GSE1: variants seen among roughly 807,000 people sequenced by gnomAD.
GSE1 encodes genetic suppressor element 1.
GSE1 carries 32 observed loss-of-function variants against 112.6 expected under a neutral mutation model. The observed-to-expected ratio is 0.28, with a 90% CI of 0.21 to 0.38. GSE1 has a LOEUF of 0.38. Ranked by LOEUF, GSE1 falls within the 10% of genes least tolerant of loss-of-function variation. The pLI is 1.00. For missense variants in GSE1, 2,348 were observed against 1,699.2 expected (o/e 1.38, Z -6.71); for synonymous variants, 1,115 against 735.6 (o/e 1.52, Z -8.35).
At chr16:85,275,782 C>G (rs2144217748) in intron 1 of GSE1, among the ~76,000 whole-genome samples, 1 of 152,344 alleles carries the variant, frequency 6.6e-6, no homozygotes, top group Admixed American at 6.5e-5. Flanking sequence ...CGCTGAGCCC[C>G]ATGTCCCCAG....
At chr16:85,532,198 G>A (rs1289774994) in intron 2 of GSE1, among the ~76,000 whole-genome samples, 1 of 152,146 alleles carries the variant, frequency 6.6e-6, no homozygotes, top group East Asian at 1.9e-4. Context: ...ATTTTTATAT[G>A]GGGAAACTGA....
intron 1 of GSE1, among the ~76,000 whole-genome samples, chr16:85,259,777 C>G (rs144899463): frequency 0.014 from 2,201 of 152,322 alleles, 50 homozygotes; most frequent in African/African-American, 0.045. Flanking sequence ...TGGGACCCCC[C>G]ACCCCTGCAC....
chr16:85,400,204 A>T (rs1377887240), intron 2 of GSE1, among the ~76,000 whole-genome samples: 2 of 151,904 alleles, frequency 1.3e-5, no homozygotes, highest in African/African-American at 4.8e-5. Context: ...CTCCCTGCTG[A>T]GGTTTTGGGA....
intron 2 of GSE1, among the ~76,000 whole-genome samples, chr16:85,491,411 G>C (rs2051005424): frequency 6.6e-6 from 1 of 152,184 alleles, no homozygotes; most frequent in African/African-American, 2.4e-5. Context: ...GAAGATGCAG[G>C]GTATTCTGGG....
chr16:85,351,914 C>T (rs777519820), intron 1 of GSE1, among the ~76,000 whole-genome samples: 14 of 152,034 alleles, frequency 9.2e-5, no homozygotes, highest in Non-Finnish European at 1.3e-4. Context: ...TGCTTGAACC[C>T]GGGAGGCAAA....
intron 2 of GSE1, among the ~76,000 whole-genome samples, chr16:85,390,284 G>C (rs965168892): frequency 6.6e-6 from 1 of 152,000 alleles, no homozygotes; most frequent in Non-Finnish European, 1.5e-5. Flanking sequence ...CGTTGGGGTG[G>C]GGGTCATCAC....
chr16:85,455,923 C>G (rs1294395743), intron 2 of GSE1, among the ~76,000 whole-genome samples: 1 of 152,228 alleles, frequency 6.6e-6, no homozygotes. Flanking sequence ...TGGGGTCAGG[C>G]CCCGCTTTGT....
At chr16:85,414,525 A>G (rs1415086476) in intron 2 of GSE1, among the ~76,000 whole-genome samples, 1 of 152,224 alleles carries the variant, frequency 6.6e-6, no homozygotes, top group Non-Finnish European at 1.5e-5. Flanking sequence ...CGTGGGTCCC[A>G]ACACCCACGC....
At chr16:85,587,840 GC>G (rs1372269785) in intron 1 of GSE1, among the ~76,000 whole-genome samples, 4 of 152,238 alleles carry the variant, frequency 2.6e-5, no homozygotes, top group East Asian at 1.9e-4. Flanking sequence ...GGACCCTTGG[GC>G]CCCCTCCCCC....
chr16:85,647,659 T>C (rs1295530231), intron 2 of GSE1, among the ~76,000 whole-genome samples: 1 of 152,108 alleles, frequency 6.6e-6, no homozygotes, highest in Non-Finnish European at 1.5e-5. Context: ...CGATCTCTGC[T>C]CACCAGAACC....
At position 85,239,680 on chromosome 16, in the gene GSE1, T is replaced by C. The variant is rs58795104; in HGVS notation, c.2283+67873T>C. ...ACGGCTCCCAGCTCCTAGTGAGGGCTCTTCCGGGTAACTCCATACCCGACC... is the reference window on the plus strand; with the variant it reads ...ACGGCTCCCAGCTCCTAGTGAGGGCCCTTCCGGGTAACTCCATACCCGACC... On this transcript the variant is annotated intron_variant, in intron 1 of 2. Transcript: ENST00000637419. Among the ~76,000 whole-genome samples, 1,084 of 152,314 alleles carry C rather than the reference T, an allele frequency of 7.1e-3. 20 individuals are homozygous for C. The highest frequency in any genetic ancestry group is 0.024 in the African/African-American group (1,014 of 41,568).
chr16:85,607,612 G>C (rs1398479211), upstream of GSE1, among the ~76,000 whole-genome samples: 2 of 152,190 alleles, frequency 1.3e-5, no homozygotes, highest in African/African-American at 2.4e-5. Context: ...TGTTCCCCTA[G>C]AGGTGACCTG....
chr16:85,196,449 G>A (rs897644102), intron 1 of GSE1, among the ~76,000 whole-genome samples: 4 of 152,160 alleles, frequency 2.6e-5, no homozygotes, highest in African/African-American at 4.8e-5. Flanking sequence ...GCACTCCTGC[G>A]TCTTGGCTTG....
In GSE1 at chr16:85,673,314, G is replaced by C. The variant is rs772156868; in HGVS notation, c.*775G>C. On this transcript the variant is annotated 3_prime_UTR_variant, in exon 16 of 16. Transcript: ENST00000253458. ...TGAGAGAAAAGTCAAAGGTGCTTCAGCCTTGTACTGTGTATATATATTAAA... is the reference window on the plus strand; with the variant it reads ...TGAGAGAAAAGTCAAAGGTGCTTCACCCTTGTACTGTGTATATATATTAAA... 1.3e-5 allele frequency: 2 copies of C among 152,224 alleles called. No homozygotes were observed. Among genetic ancestry groups the C allele is most frequent in the African/African-American group, 4.8e-5 (2 of 41,270 alleles). 9.4% of individuals were successfully genotyped at this position (152,224 alleles called of 1,614,324 possible). A position where few individuals can be genotyped will look rare whatever the true frequency, so the allele number is the denominator to read the frequency against.
At chr16:85,517,957 T>C (rs1261935552) in intron 2 of GSE1, among the ~76,000 whole-genome samples, 3 of 152,250 alleles carry the variant, frequency 2.0e-5, no homozygotes, top group African/African-American at 7.2e-5. Flanking sequence ...GGTTTATCTC[T>C]GCTCACAGAG....
At chr16:85,284,227 G>T (rs1413652257) in intron 1 of GSE1, among the ~76,000 whole-genome samples, 1 of 152,240 alleles carries the variant, frequency 6.6e-6, no homozygotes, top group Non-Finnish European at 1.5e-5. Context: ...TGTCGCTGTA[G>T]GGCGACTCTT....
rs1006813784 is a variant in GSE1 at position 85,585,757 on chromosome 16, C to T, written c.37+29394C>T. 3.7e-4 allele frequency among the ~76,000 whole-genome samples: 57 copies of T among 152,250 alleles called. 3 individuals carry two copies. The highest frequency in any genetic ancestry group is 1.5e-5 in the Non-Finnish European group (1 of 68,048). Reference sequence around the variant, plus strand: ...GAGCTGACGGCGATGACACGAGCATCATCCCACTCTGAGAGCTTCCCAGCC... The same window carrying T: ...GAGCTGACGGCGATGACACGAGCATTATCCCACTCTGAGAGCTTCCCAGCC... On this transcript the variant is annotated intron_variant, in intron 1 of 2. Coordinates refer to the GSE1 transcript ENST00000635906.
chr16:85,503,515 G>A (rs916993199), intron 2 of GSE1, among the ~76,000 whole-genome samples: 1 of 152,208 alleles, frequency 6.6e-6, no homozygotes, highest in Non-Finnish European at 1.5e-5. Flanking sequence ...ACACGGCGAG[G>A]GGAGCGGGGC....
chr16:85,500,302 GATA>G (rs1258607130), intron 2 of GSE1, among the ~76,000 whole-genome samples: 5 of 152,196 alleles, frequency 3.3e-5, no homozygotes, highest in African/African-American at 1.2e-4. Context: ...CCAGAGAAGT[GATA>G]AACAGATCTT....
Sources: gnomAD v4.1 joint callset for allele counts (sites outside exome capture counted in the v4.1 genomes callset) on GRCh38, gnomAD v4.1.1 for gene constraint, MANE v1.5 for transcripts, NCBI Gene and HGNC (gene_info 2026-07-23, HGNC 2026-07-21) for gene names.